The following CACNA1D variants were observed in gnomAD, a reference collection of about 807,000 sequenced individuals.
CACNA1D encodes the protein calcium voltage-gated channel subunit alpha1 D, also known as voltage-dependent L-type calcium channel subunit alpha-1D.
A neutral mutation model predicts 257.1 loss-of-function variants in CACNA1D; 55 were observed. The ratio of observed to expected loss-of-function variants is 0.21; its 90% CI spans 0.17 to 0.27. The LOEUF (loss-of-function observed/expected upper bound fraction) is 0.27, where lower values mean the gene tolerates loss of function less well. Among genes scored for constraint, CACNA1D ranks in the 10% least tolerant of loss-of-function variants. The probability of loss-of-function intolerance (pLI) is 1.00; values close to 1 mark genes in which losing one functional copy is unlikely to be tolerated. For synonymous variants in CACNA1D, 980 were observed against 1,014.9 expected, an observed-to-expected ratio of 0.97 and a Z score of 0.65; for missense variants, 1,876 against 2,784.0, an observed-to-expected ratio of 0.67 and a Z score of 7.34.
intron 9 of CACNA1D, among the ~76,000 whole-genome samples, chr3:53,716,805 G>C (rs561917981): frequency 1.3e-5 from 2 of 152,038 alleles, no homozygotes; most frequent in African/African-American, 2.4e-5. Flanking sequence ...TCAGTTTCTC[G>C]GGCACTCACA....
intron 3 of CACNA1D, among the ~76,000 whole-genome samples, chr3:53,604,997 A>G (rs2093490266): frequency 6.6e-6 from 1 of 152,180 alleles, no homozygotes; most frequent in African/African-American, 2.4e-5. Flanking sequence ...ATGTAACTCC[A>G]TTCCTTTCTC....
At chr3:53,736,202 G>A (rs752073719) in intron 20 of CACNA1D, among the ~76,000 whole-genome samples, 3 of 152,182 alleles carry the variant, frequency 2.0e-5, no homozygotes, top group East Asian at 1.9e-4. Context: ...TTAGCTGAGC[G>A]TGGTGTCACA....
In CACNA1D at chr3:53,650,859, T is replaced by C; in HGVS notation, c.564T>C (p.His188=). 3.1e-6 allele frequency: 5 copies of C among 1,609,660 alleles called. No individual in the cohort carries two copies. The African/African-American group carries it at 4.0e-5, about 13-fold the overall frequency. The change falls in exon 4 of 48, where the codon CAT becomes CAC. Residue 188 remains histidine, a synonymous_variant. Transcript: ENST00000350061. The part of the protein sequence containing the change: ...LKIIAYGLLL[H]PNAYVRNGWN... ...TTATAGCGTATGGATTATTGCTACA[T>C]CCTAATGCTTATGTTAGGAATGGAT...
intron 3 of CACNA1D, among the ~76,000 whole-genome samples, chr3:53,553,716 A>G (rs1167882618): frequency 1.3e-5 from 2 of 152,116 alleles, no homozygotes; most frequent in African/African-American, 4.8e-5. Context: ...CACGCCAGAC[A>G]TAGGCTCCAG....
chr3:53,642,074 G>A (rs1178510032), intron 3 of CACNA1D, among the ~76,000 whole-genome samples: 1 of 152,186 alleles, frequency 6.6e-6, no homozygotes. Flanking sequence ...AAGCCCAAAT[G>A]GGGAGGGGAG....
At chr3:53,716,777 G>A (rs2094823226) in intron 9 of CACNA1D, among the ~76,000 whole-genome samples, 1 of 152,112 alleles carries the variant, frequency 6.6e-6, no homozygotes, top group Admixed American at 6.5e-5. Flanking sequence ...TGGCGTGGAG[G>A]CTCCCATGCA....
chr3:53,718,775 G>A, intron 10 of CACNA1D: 2 of 1,526,918 alleles, frequency 1.3e-6, no homozygotes, highest in East Asian at 2.4e-5. Context: ...GCCTGGGTTT[G>A]GCATTTGTGC....
At chr3:53,704,358 T>A (rs190980046) in intron 9 of CACNA1D, among the ~76,000 whole-genome samples, 127 of 152,236 alleles carry the variant, frequency 8.3e-4, no homozygotes, top group South Asian at 8.3e-4. Flanking sequence ...CTTCTCTCCC[T>A]CCCTGCTTCT....
chr3:53,811,261 G>A lies in CACNA1D; in HGVS notation c.6341G>A (p.Arg2114Gln), dbSNP rs149416995. ...CTGCTTAATGGGAACGTGCGTCCCC[G>A]AGCCAACGGGGATGTGGGCCCCCTC... is the stretch of plus-strand genomic sequence containing the variant. ...STLLNGNVRP[R>Q]ANGDVGPLSH... The change falls in exon 48 of 48, where the codon CGA becomes CAA. Residue 2114 changes from arginine to glutamine, a missense_variant. Physicochemically the swap from Arg to Gln is conservative, Grantham distance 43 (BLOSUM62 1). Coordinates refer to ENST00000350061, the MANE Select transcript of CACNA1D (RefSeq NM_001128840.3). The surrounding 1 kb of genome is among the most constrained non-coding windows in gnomAD (Gnocchi z 4.2). The A allele has an allele frequency of 1.5e-5, 24 of 1,613,822 alleles. No individual in the cohort carries two copies. Among genetic ancestry groups the A allele is most frequent in the Admixed American group, 5.0e-5 (3 of 60,004 alleles).
chr3:53,682,365 T>TAA (rs3082718), intron 8 of CACNA1D, among the ~76,000 whole-genome samples: 2,982 of 47,258 alleles, frequency 0.063, 350 homozygotes, highest in Non-Finnish European at 0.073. Flanking sequence ...TTGTCTCTGG[T>TAA]AAAAAAAAAA....
chr3:53,574,011 C>T (rs988493287), intron 3 of CACNA1D, among the ~76,000 whole-genome samples: 1 of 151,868 alleles, frequency 6.6e-6, no homozygotes, highest in Non-Finnish European at 1.5e-5. Flanking sequence ...TGTACAGTGT[C>T]GATCTCTTGA....
chr3:53,642,353 T>G (rs1001651412), intron 3 of CACNA1D, among the ~76,000 whole-genome samples: 1 of 152,220 alleles, frequency 6.6e-6, no homozygotes, highest in Non-Finnish European at 1.5e-5. Context: ...CTCCCAGACT[T>G]GCTCTCTTCG....
chr3:53,799,704 G>T (rs1223924531), intron 40 of CACNA1D, among the ~76,000 whole-genome samples: 1 of 152,214 alleles, frequency 6.6e-6, no homozygotes, highest in Non-Finnish European at 1.5e-5. Flanking sequence ...TGGTTGCAGT[G>T]TGTTGTGTCA....
At chr3:53,577,017 T>A (rs1183499687) in intron 3 of CACNA1D, among the ~76,000 whole-genome samples, 1 of 152,180 alleles carries the variant, frequency 6.6e-6, no homozygotes, top group Non-Finnish European at 1.5e-5. Context: ...TATTTTCTCT[T>A]TCATTTTCTA....
chr3:53,523,317 C>G (rs2091647744), intron 3 of CACNA1D, among the ~76,000 whole-genome samples: 5 of 152,160 alleles, frequency 3.3e-5, no homozygotes, highest in Admixed American at 2.6e-4. Context: ...GCCATCAATC[C>G]AAGGTCAACA....
At chr3:53,497,084 A>AT (rs1409288345) in intron 1 of CACNA1D, 68 bp from the exon 2 acceptor site, 7 of 1,259,170 alleles carry the variant, frequency 5.6e-6, no homozygotes, top group South Asian at 1.3e-5. Flanking sequence ...ACAACCTTTG[A>AT]TTTTTTTCTC....
intron 3 of CACNA1D, among the ~76,000 whole-genome samples, chr3:53,626,660 G>A (rs986373564): frequency 9.8e-5 from 15 of 152,310 alleles, no homozygotes; most frequent in South Asian, 2.1e-4. Flanking sequence ...TTCAGTTTCA[G>A]CTTTAGCCAC....
At position 53,774,733 on chromosome 3, in the gene CACNA1D, G is replaced by C. The variant is rs1056122970; in HGVS notation, c.4202+55G>C. ...TGGGCAGGGGGGTCCGCTAGGCGTG[G>C]GTCCAGAGGGACGGAGGACACAGGT... On this transcript the variant is annotated intron_variant, in intron 34 of 47. Coordinates refer to ENST00000350061, the MANE Select transcript of CACNA1D (RefSeq NM_001128840.3). The surrounding 1 kb of genome is among the most constrained non-coding windows in gnomAD (Gnocchi z 4.3). 5.2e-6 allele frequency: 5 copies of C among 966,722 alleles called. No homozygotes were observed. The highest frequency in any genetic ancestry group is 4.8e-5 in the African/African-American group (3 of 62,438). 59.9% of individuals were successfully genotyped at this position (966,722 alleles called of 1,614,324 possible).
chr3:53,688,891 G>A (rs2094495761), intron 8 of CACNA1D, among the ~76,000 whole-genome samples: 1 of 152,164 alleles, frequency 6.6e-6, no homozygotes, highest in African/African-American at 2.4e-5. Context: ...CAGTGGGTGA[G>A]AGTACACCAC....
Sources: allele counts gnomAD v4.1 joint callset (sites outside exome capture counted in the v4.1 genomes callset), GRCh38; gene constraint gnomAD v4.1.1; non-coding constraint Gnocchi (gnomAD v3.1); transcripts MANE v1.5; gene names NCBI Gene and HGNC (gene_info 2026-07-23, HGNC 2026-07-21).